The following ATP1A4 variants were observed in gnomAD, a reference collection of about 807,000 sequenced individuals.
ATP1A4 encodes the protein ATPase Na+/K+ transporting subunit alpha 4.
In ATP1A4, 90 loss-of-function variants were observed where a neutral mutation model predicts 114.3. That is an observed-to-expected ratio of 0.79 (90% confidence interval 0.66 to 0.94). The LOEUF (loss-of-function observed/expected upper bound fraction) is 0.94. ATP1A4 is among the 40% of genes least tolerant of loss of function. The pLI, the probability that ATP1A4 is intolerant of heterozygous loss-of-function variation, is 0.00. For synonymous variants in ATP1A4, 511 were observed against 494.1 expected, an observed-to-expected ratio of 1.03 and a Z score of -0.45; for missense variants, 1,222 against 1,313.6, an observed-to-expected ratio of 0.93 and a Z score of 1.08.
Position 160,186,311 on chromosome 1 carries a change from T to A in ATP1A4, c.3005T>A (p.Ile1002Asn), listed in dbSNP as rs1304451335. The A allele has an allele frequency of 1.2e-6, 2 of 1,613,702 alleles. No individual in the cohort carries two copies. Among genetic ancestry groups the A allele is most frequent in the Non-Finnish European group, 1.7e-6 (2 of 1,179,956 alleles). ...TGGCTCTGTGCCATTCCCTACAGTA[T>A]TCTCATCTTCGTCTATGATGAAATC... ...TWWLCAIPYS[I>N]LIFVYDEIRK... is the part of the protein sequence containing the mutation. Residue 1002 changes from isoleucine to asparagine, a missense_variant, in exon 21 of 22, where the codon ATT becomes AAT. Physicochemically the swap from Ile to Asn is moderately radical, Grantham distance 149. Coordinates refer to ENST00000368081, the MANE Select transcript of ATP1A4 (RefSeq NM_144699.4).
intron 15 of ATP1A4, 118 bp from the exon 16 acceptor site, chr1:160,175,974 C>G: frequency 9.4e-7 from 1 of 1,062,734 alleles, no homozygotes; most frequent in Non-Finnish European, 1.4e-6. Context: ...GGTCTAGGAC[C>G]TCCAGACCCT....
At chr1:160,171,110 A>C in intron 10 of ATP1A4, 141 bp from the exon 11 acceptor site, 1 of 713,980 alleles carries the variant, frequency 1.4e-6, no homozygotes, top group South Asian at 2.2e-5. Flanking sequence ...ACCTGGGGCG[A>C]GATGTGACTG....
intron 18 of ATP1A4, among the ~76,000 whole-genome samples, chr1:160,180,470 T>A (rs1653643233): frequency 6.6e-6 from 1 of 152,186 alleles, no homozygotes; most frequent in Non-Finnish European, 1.5e-5. Flanking sequence ...GCAGTCTCTC[T>A]CTCATAACCT....
At chr1:160,181,626 C>G in intron 18 of ATP1A4, 58 bp from the exon 19 acceptor site, 1 of 1,599,428 alleles carries the variant, frequency 6.3e-7, no homozygotes. Flanking sequence ...AGGAAAGAAG[C>G]CTTAGGGTGT....
At chr1:160,165,576 G>A (rs542280882) in intron 7 of ATP1A4, among the ~76,000 whole-genome samples, 54 of 151,950 alleles carry the variant, frequency 3.6e-4, no homozygotes, top group Middle Eastern at 3.4e-3. Context: ...TGGCTAACAC[G>A]GTGAAACCCC....
intron 12 of ATP1A4, among the ~76,000 whole-genome samples, chr1:160,172,995 C>T (rs1453131092): frequency 2.6e-5 from 4 of 152,174 alleles, no homozygotes; most frequent in African/African-American, 9.7e-5. Flanking sequence ...AGGCAATCAC[C>T]ATACAGAGAA....
intron 18 of ATP1A4, among the ~76,000 whole-genome samples, chr1:160,178,471 T>C (rs1653566062): frequency 6.6e-6 from 1 of 151,666 alleles, no homozygotes; most frequent in Non-Finnish European, 1.5e-5. Context: ...GGTCAAGAGA[T>C]CAAGACCATC....
chr1:160,154,308 G>A (rs983835113), intron 2 of ATP1A4, among the ~76,000 whole-genome samples: 1 of 152,032 alleles, frequency 6.6e-6, no homozygotes, highest in Non-Finnish European at 1.5e-5. Context: ...GGGAGATGGA[G>A]GTTGCAGTAA....
chr1:160,159,124 A>G lies in ATP1A4; in HGVS notation c.648A>G (p.Ala216=). 1.2e-6 allele frequency: 2 copies of G among 1,613,944 alleles called. No individual in the cohort carries two copies. The highest frequency in any genetic ancestry group is 8.5e-7 in the Non-Finnish European group (1 of 1,179,862). ...RVPADLRLIS[A]QGCKVDNSSL... is the part of the protein sequence containing the mutation. ...CTGCTGACCTCCGGCTTATCTCTGC[A>G]CAAGGATGTAAGGTGAGGGGATGCC... Residue 216 remains alanine, a synonymous_variant, in exon 5 of 22, where the codon GCA becomes GCG. Transcript: ENST00000368081.
intron 19 of ATP1A4, 49 bp downstream of exon 19, chr1:160,181,863 A>G (rs1432229152): frequency 6.2e-7 from 1 of 1,613,636 alleles, no homozygotes; most frequent in Non-Finnish European, 8.5e-7. Context: ...CCCACACACC[A>G]GGACATGCCA....
At position 160,181,739 on chromosome 1, in the gene ATP1A4, C is replaced by A; in HGVS notation, c.2792C>A (p.Thr931Asn). Reference sequence around the variant, plus strand: ...ACATGCCAAACGGCCTTTTTTGTCACCATCGTGGTTGTGCAGTGGGCGGAT... The same window carrying A: ...ACATGCCAAACGGCCTTTTTTGTCAACATCGTGGTTGTGCAGTGGGCGGAT... Reference protein sequence around the residue: ...EFTCQTAFFVTIVVVQWADLI... With the variant: ...EFTCQTAFFVNIVVVQWADLI... Residue 931 changes from threonine to asparagine, a missense_variant, in exon 19 of 22, where the codon ACC becomes AAC. Physicochemically the swap from Thr to Asn is moderately conservative, Grantham distance 65. Transcript: ENST00000368081. The A allele has an allele frequency of 6.2e-7, 1 of 1,614,008 alleles. No individual in the cohort carries two copies. Among genetic ancestry groups the A allele is most frequent in the Non-Finnish European group, 8.5e-7 (1 of 1,179,992 alleles).
intron 17 of ATP1A4, among the ~76,000 whole-genome samples, chr1:160,176,983 A>G (rs915525565): frequency 6.6e-6 from 1 of 152,192 alleles, no homozygotes; most frequent in East Asian, 1.9e-4. Flanking sequence ...GGGAGACCAA[A>G]GGAGTGGGGA....
intron 3 of ATP1A4, among the ~76,000 whole-genome samples, 169 bp downstream of exon 3, chr1:160,155,417 GTAAT>G (rs1170758718): frequency 6.6e-6 from 1 of 151,778 alleles, no homozygotes; most frequent in Non-Finnish European, 1.5e-5. Context: ...GTAATTGATT[GTAAT>G]TAATTACAAT....
At chr1:160,182,150 T>C in intron 20 of ATP1A4, 119 bp downstream of exon 20, 2 of 786,918 alleles carry the variant, frequency 2.5e-6, no homozygotes, top group Non-Finnish European at 2.2e-6. Context: ...TGGAGCTACA[T>C]GTACACTCAG....
In ATP1A4 at chr1:160,156,128, C is replaced by T. The variant is rs1452120520; in HGVS notation, c.495C>T (p.Ile165=). 3 of 1,613,692 alleles carry T rather than the reference C, an allele frequency of 1.9e-6. No individual in the cohort carries two copies. The Admixed American group carries it at 5.0e-5, about 27-fold the overall frequency. Reference sequence around the variant, plus strand: ...ATCAGGAGGCCAAGAGCTCCAAGATCATGGAGTCTTTTAAGAACATGGTGC... The same window carrying T: ...ATCAGGAGGCCAAGAGCTCCAAGATTATGGAGTCTTTTAAGAACATGGTGC... The part of the protein sequence containing the change: ...SYYQEAKSSK[I]MESFKNMVPQ... The change falls in exon 4 of 22, where the codon ATC becomes ATT. Residue 165 remains isoleucine (I), a synonymous_variant. Coordinates refer to ENST00000368081, the MANE Select transcript of ATP1A4 (RefSeq NM_144699.4).
Position 160,152,419 on chromosome 1 carries a change from A to G in ATP1A4, c.147+232A>G, listed in dbSNP as rs564150885. The stretch of plus-strand genomic sequence containing the variant: ...CAGACACCTGTGGAAGTGGGGGATC[A>G]GCTTAATTCCACAGTCCACTGCCAC... On this transcript the variant is annotated intron_variant, in intron 1 of 21. Transcript: ENST00000368081. Among the ~76,000 whole-genome samples the G allele has an allele frequency of 5.9e-5, 9 of 151,994 alleles. No individual in the cohort carries two copies. In the South Asian group the frequency reaches 1.9e-3, roughly 32 times the overall value.
At position 160,164,272 on chromosome 1, in the gene ATP1A4, T is replaced by G. The variant is rs1216675196; in HGVS notation, c.895T>G (p.Phe299Val). 1 of 1,614,216 alleles carries G rather than the reference T, an allele frequency of 6.2e-7. No homozygotes were observed. The highest frequency in any genetic ancestry group is 8.5e-7 in the Non-Finnish European group (1 of 1,180,040). Residue 299 changes from phenylalanine (F) to valine (V), a missense_variant, in exon 7 of 22, where the codon TTC (phenylalanine) becomes GTC (valine). Coordinates refer to ENST00000368081, the MANE Select transcript of ATP1A4 (RefSeq NM_144699.4). The stretch of plus-strand genomic sequence containing the variant: ...ACCTATCGCTGCTGAGATCGAACAC[T>G]TCATCCATCTGATCACTGTGGTGGC... ...QTPIAAEIEH[F>V]IHLITVVAVF...
intron 11 of ATP1A4, 28 bp downstream of exon 11, chr1:160,171,468 A>G (rs569007858): frequency 6.2e-7 from 1 of 1,610,156 alleles, no homozygotes; most frequent in African/African-American, 1.3e-5. Flanking sequence ...AAGTTTTTAA[A>G]AGAATGGCAT....
intron 14 of ATP1A4, 64 bp downstream of exon 14, chr1:160,174,325 A>T (rs1163633436): frequency 6.2e-7 from 1 of 1,603,920 alleles, no homozygotes; most frequent in East Asian, 2.2e-5. Context: ...CCCGTCCCAA[A>T]CCAAGCAGAG....
Sources: allele counts gnomAD v4.1 joint callset (sites outside exome capture counted in the v4.1 genomes callset), GRCh38; gene constraint gnomAD v4.1.1; transcripts MANE v1.5; gene names NCBI Gene and HGNC (gene_info 2026-07-23, HGNC 2026-07-21).